CAMK1D: variants seen among roughly 807,000 people sequenced by gnomAD.
CAMK1D encodes the protein calcium/calmodulin-dependent protein kinase type 1D.
Under a neutral mutation model 47.7 loss-of-function variants are expected in CAMK1D, and 9 were observed. The ratio of observed to expected loss-of-function variants is 0.19; its 90% CI spans 0.11 to 0.33. The LOEUF (loss-of-function observed/expected upper bound fraction) is 0.33, where lower values mean the gene tolerates loss of function less well. Among genes scored for constraint, CAMK1D ranks in the 10% least tolerant of loss-of-function variants. The pLI, the probability that CAMK1D is intolerant of heterozygous loss-of-function variation, is 1.00. For synonymous variants in CAMK1D, 184 were observed against 184.9 expected (o/e 0.99, Z 0.04); for missense variants, 291 against 488.7 (o/e 0.60, Z 3.81).
intron 1 of CAMK1D, among the ~76,000 whole-genome samples, chr10:12,375,466 C>T (rs994477332): frequency 6.6e-6 from 1 of 152,214 alleles, no homozygotes; most frequent in South Asian, 2.1e-4. Flanking sequence ...CTGCCTCCCC[C>T]CTCACCTGTT....
chr10:12,661,111 C>G (rs1840262526), intron 2 of CAMK1D, among the ~76,000 whole-genome samples: 1 of 152,174 alleles, frequency 6.6e-6, no homozygotes, highest in Non-Finnish European at 1.5e-5. Context: ...CTGATTCTGT[C>G]TGACCCACTG....
intron 2 of CAMK1D, among the ~76,000 whole-genome samples, chr10:12,657,003 G>T (rs888681425): frequency 4.6e-5 from 7 of 152,176 alleles, no homozygotes; most frequent in African/African-American, 7.2e-5. Flanking sequence ...GAGCTAAGAC[G>T]CAAGCTAATC....
chr10:12,822,503 T>C (rs1588969765), intron 8 of CAMK1D, among the ~76,000 whole-genome samples: 1 of 152,232 alleles, frequency 6.6e-6, no homozygotes. Context: ...CCACGGGCCG[T>C]GGGGTCTGAG....
chr10:12,440,470 T>C (rs1450196736), intron 1 of CAMK1D, among the ~76,000 whole-genome samples: 1 of 152,102 alleles, frequency 6.6e-6, no homozygotes, highest in Non-Finnish European at 1.5e-5. Context: ...GTACTTTTAG[T>C]AGAGATGGGG....
At chr10:12,401,966 G>A (rs960889439) in intron 1 of CAMK1D, among the ~76,000 whole-genome samples, 9 of 151,654 alleles carry the variant, frequency 5.9e-5, no homozygotes, top group South Asian at 4.2e-4. Flanking sequence ...CGCGATCTCC[G>A]CTCATTGCAA....
chr10:12,386,593 A>G (rs1838502448), intron 1 of CAMK1D, among the ~76,000 whole-genome samples: 1 of 152,238 alleles, frequency 6.6e-6, no homozygotes, highest in Non-Finnish European at 1.5e-5. Context: ...GGACGTGGGC[A>G]GACAATATAC....
intron 2 of CAMK1D, among the ~76,000 whole-genome samples, chr10:12,573,746 CT>C: frequency 6.7e-6 from 1 of 149,756 alleles, no homozygotes; most frequent in Non-Finnish European, 1.5e-5. Flanking sequence ...CTTGAAACTT[CT>C]GAGCTCAAGG....
chr10:12,533,611 C>T (rs1380247798), intron 1 of CAMK1D, among the ~76,000 whole-genome samples: 1 of 152,082 alleles, frequency 6.6e-6, no homozygotes, highest in Non-Finnish European at 1.5e-5. Context: ...TTATCATGAT[C>T]CACCCTGCCT....
chr10:12,468,961 A>G (rs1833670994), intron 1 of CAMK1D, among the ~76,000 whole-genome samples: 1 of 152,112 alleles, frequency 6.6e-6, no homozygotes, highest in Non-Finnish European at 1.5e-5. Context: ...TTCTGGTCCC[A>G]AATCTCATCT....
chr10:12,554,552 T>A (rs1205156604), intron 2 of CAMK1D, among the ~76,000 whole-genome samples: 1 of 72,372 alleles, frequency 1.4e-5, no homozygotes, highest in Non-Finnish European at 4.1e-5. Flanking sequence ...TTTTTCTTTT[T>A]TTCTCCAGGC....
chr10:12,789,729 A>G (rs943584690), intron 5 of CAMK1D, among the ~76,000 whole-genome samples: 10 of 152,364 alleles, frequency 6.6e-5, no homozygotes, highest in Admixed American at 5.2e-4. Context: ...CCATGCTACC[A>G]GCACTTCCTG....
chr10:12,586,309 A>G (rs1368049898), intron 2 of CAMK1D, among the ~76,000 whole-genome samples: 1 of 152,130 alleles, frequency 6.6e-6, no homozygotes, highest in African/African-American at 2.4e-5. Flanking sequence ...AGCTGAAGAC[A>G]TCTGGCCTCC....
intron 3 of CAMK1D, among the ~76,000 whole-genome samples, chr10:12,677,400 C>T (rs1337559321): frequency 1.3e-5 from 2 of 151,850 alleles, no homozygotes; most frequent in Non-Finnish European, 2.9e-5. Context: ...CCTAACAGGC[C>T]TGTGGTTTCT....
rs187957909 is a variant in CAMK1D, at chr10:12,408,054, T to C, written c.92+58144T>C. Among the ~76,000 whole-genome samples the C allele has an allele frequency of 3.3e-5, 5 of 152,182 alleles. No homozygotes were observed. The East Asian group carries it at 9.7e-4, about 29-fold the overall frequency. ...TATATTTTTAGTAGAGACGGTGTTT[T>C]ACCATGTTGGCCAGGCTGGTCTCAA... On this transcript the variant is annotated intron_variant, in intron 1 of 10. Coordinates refer to ENST00000619168, the MANE Select transcript of CAMK1D (RefSeq NM_153498.4).
chr10:12,419,086 C>G (rs1453156970), intron 1 of CAMK1D, among the ~76,000 whole-genome samples: 1 of 152,158 alleles, frequency 6.6e-6, no homozygotes, highest in Non-Finnish European at 1.5e-5. Flanking sequence ...TCTGAGAGGT[C>G]ATCCGTTTCA....
chr10:12,818,469 G>A (rs913494779), intron 8 of CAMK1D, among the ~76,000 whole-genome samples: 5 of 152,096 alleles, frequency 3.3e-5, no homozygotes, highest in Admixed American at 6.6e-5. Flanking sequence ...TTAGGAGTTC[G>A]AGACCAGCCT....
At chr10:12,640,955 AGTTTTTTT>A (rs541071214) in intron 2 of CAMK1D, among the ~76,000 whole-genome samples, 199 of 152,214 alleles carry the variant, frequency 1.3e-3, no homozygotes, top group Non-Finnish European at 2.4e-3. Flanking sequence ...CTTAAAATAC[AGTTTTTTT>A]GTTTTTTTGT....
intron 1 of CAMK1D, among the ~76,000 whole-genome samples, chr10:12,470,930 G>A (rs942735338): frequency 6.6e-6 from 1 of 152,188 alleles, no homozygotes; most frequent in Non-Finnish European, 1.5e-5. Context: ...ACGTGCGTGC[G>A]TGCGTGTGTG....
intron 3 of CAMK1D, among the ~76,000 whole-genome samples, chr10:12,734,521 C>CGTATATATATACACACATATGTATATAT (rs1485895940): frequency 6.3e-5 from 9 of 142,580 alleles, no homozygotes; most frequent in African/African-American, 2.2e-4. Flanking sequence ...TATATATACA[C>CGTATATATATACACACATATGTATATAT]GTATATATAT....
Sources: gnomAD v4.1 joint callset for allele counts (sites outside exome capture counted in the v4.1 genomes callset) on GRCh38, gnomAD v4.1.1 for gene constraint, MANE v1.5 for transcripts, NCBI Gene and HGNC (gene_info 2026-07-23, HGNC 2026-07-21) for gene names.